Variants in ADARB2 observed in about 807,000 individuals in gnomAD.
ADARB2 encodes the protein inactive double-stranded RNA-specific editase B2.
ADARB2 carries 25 observed loss-of-function variants against 62.2 expected under a neutral mutation model. The observed-to-expected ratio is 0.40, with a 90% CI of 0.29 to 0.56. The LOEUF is 0.56. ADARB2 is among the 20% of genes least tolerant of loss of function. ADARB2 has a pLI of 0.43. For missense variants in ADARB2, 1,071 were observed against 1,077.4 expected (o/e 0.99, Z 0.08); for synonymous variants, 572 against 500.8 (o/e 1.14, Z -1.90).
chr10:1,583,254 A>C (rs1833130514), intron 1 of ADARB2, among the ~76,000 whole-genome samples: 1 of 152,248 alleles, frequency 6.6e-6, no homozygotes, highest in Non-Finnish European at 1.5e-5. Flanking sequence ...AGAGGATGGC[A>C]AGGGGTCACT....
At chr10:1,613,656 C>A (rs1472261631) in intron 1 of ADARB2, among the ~76,000 whole-genome samples, 1 of 152,186 alleles carries the variant, frequency 6.6e-6, no homozygotes, top group African/African-American at 2.4e-5. Flanking sequence ...TGGGATTTTC[C>A]TGGAAGTTAT....
At chr10:1,301,378 A>T (rs1042021293) in intron 3 of ADARB2, among the ~76,000 whole-genome samples, 2 of 152,246 alleles carry the variant, frequency 1.3e-5, no homozygotes, top group African/African-American at 4.8e-5. Context: ...GCAGCCTTTG[A>T]TATGGGGATA....
At chr10:1,610,623 A>G (rs531417564) in intron 1 of ADARB2, among the ~76,000 whole-genome samples, 2 of 152,248 alleles carry the variant, frequency 1.3e-5, no homozygotes, top group African/African-American at 4.8e-5. Flanking sequence ...GCCCTCGTCT[A>G]GGGACTTGCT....
In ADARB2 at chr10:1,709,143, G is replaced by A. The variant is rs17156778; in HGVS notation, c.100+27908C>T. On this transcript the variant is annotated intron_variant, in intron 1 of 9. Transcript: ENST00000381312. ...CTGAATGAGTCTCTCTATGGAAGTC[G>A]CTAAGTGGAGACCTACTTATGTTGC... Among the ~76,000 whole-genome samples, 1,976 of 152,246 alleles carry A rather than the reference G, an allele frequency of 0.013. 104 individuals are homozygous for A. In the East Asian group the frequency reaches 0.16, roughly 12 times the overall value.
At chr10:1,260,393 C>G (rs1221702017) in intron 4 of ADARB2, among the ~76,000 whole-genome samples, 1 of 151,840 alleles carries the variant, frequency 6.6e-6, no homozygotes, top group East Asian at 1.9e-4. Flanking sequence ...GATTGTATAT[C>G]TAGAAAACCC....
intron 1 of ADARB2, among the ~76,000 whole-genome samples, chr10:1,564,966 G>A (rs1457274153): frequency 1.3e-5 from 2 of 152,146 alleles, no homozygotes; most frequent in African/African-American, 2.4e-5. Context: ...ATTCAGGCCT[G>A]GCCTCGGCCG....
chr10:1,580,465 G>A (rs11816776), intron 1 of ADARB2, among the ~76,000 whole-genome samples: 16,157 of 150,054 alleles, frequency 0.11, 931 homozygotes, highest in Admixed American at 0.15. Flanking sequence ...ATCTCTTCAC[G>A]GGTCTTTCTT....
At chr10:1,714,510 C>T (rs2119155644) in intron 1 of ADARB2, among the ~76,000 whole-genome samples, 1 of 152,364 alleles carries the variant, frequency 6.6e-6, no homozygotes, top group Non-Finnish European at 1.5e-5. Context: ...AATCTGTGCA[C>T]ACTTTCAGAA....
At chr10:1,481,497 AG>A (rs1184359323) in intron 1 of ADARB2, among the ~76,000 whole-genome samples, 6 of 152,254 alleles carry the variant, frequency 3.9e-5, no homozygotes, top group African/African-American at 1.4e-4. Context: ...GACACCATCA[AG>A]GGAGTGAAAT....
At chr10:1,645,642 C>T (rs770500745) in intron 1 of ADARB2, among the ~76,000 whole-genome samples, 6 of 152,146 alleles carry the variant, frequency 3.9e-5, no homozygotes, top group South Asian at 4.1e-4. Flanking sequence ...CTCCTCAGAC[C>T]GGTTGGAGAC....
At chr10:1,448,411 T>A (rs1051438264) in intron 1 of ADARB2, among the ~76,000 whole-genome samples, 1 of 152,206 alleles carries the variant, frequency 6.6e-6, no homozygotes, top group Non-Finnish European at 1.5e-5. Context: ...GCTCCTTCTG[T>A]CACCTGTTGA....
intron 1 of ADARB2, among the ~76,000 whole-genome samples, chr10:1,452,663 A>AC (rs1831053977): frequency 7.9e-6 from 1 of 125,926 alleles, no homozygotes; most frequent in Non-Finnish European, 1.7e-5. Context: ...GGGTTGGGGG[A>AC]TAGGGGAGGG....
intron 1 of ADARB2, among the ~76,000 whole-genome samples, chr10:1,569,324 G>A (rs1293934224): frequency 2.0e-5 from 3 of 152,064 alleles, no homozygotes; most frequent in East Asian, 3.8e-4. Context: ...CTCCAGCAGC[G>A]GCTGCTTCTT....
intron 7 of ADARB2, among the ~76,000 whole-genome samples, chr10:1,213,399 A>G (rs1419495006): frequency 6.6e-6 from 1 of 152,166 alleles, no homozygotes; most frequent in Non-Finnish European, 1.5e-5. Flanking sequence ...AGTCTAAGAC[A>G]GGAGAGAACC....
intron 1 of ADARB2, among the ~76,000 whole-genome samples, chr10:1,522,013 T>C (rs1415381051): frequency 6.6e-6 from 1 of 152,108 alleles, no homozygotes; most frequent in South Asian, 2.1e-4. Flanking sequence ...TTTTACAGAG[T>C]TGGACTCTTT....
chr10:1,577,248 C>CAT lies in ADARB2; in HGVS notation c.100+159802_100+159803insAT, dbSNP rs1389640647. On this transcript the variant is annotated intron_variant, in intron 1 of 9. Transcript: ENST00000381312. Reference sequence around the variant, plus strand: ...CAGGTGCATCCTGGTGCAAAGCTGTCCCGGAAACTGCAGTAATACCCTCAT... The same window carrying CAT: ...CAGGTGCATCCTGGTGCAAAGCTGTCATCCGGAAACTGCAGTAATACCCTCAT... 1.5e-4 allele frequency among the ~76,000 whole-genome samples: 19 copies of CAT among 129,474 alleles called. 1 individual carries two copies. The highest frequency in any genetic ancestry group is 7.8e-3 in the Middle Eastern group (2 of 256). 84.9% of individuals were successfully genotyped at this position (129,474 alleles called of 152,430 possible).
chr10:1,209,004 G>A (rs1306516084), intron 7 of ADARB2, among the ~76,000 whole-genome samples: 3 of 152,158 alleles, frequency 2.0e-5, no homozygotes, highest in Non-Finnish European at 1.5e-5. Context: ...TCCTCTTGTG[G>A]TTCATCGTGG....
chr10:1,441,362 C>T (rs1236227493), intron 1 of ADARB2, among the ~76,000 whole-genome samples: 2 of 152,206 alleles, frequency 1.3e-5, no homozygotes, highest in Admixed American at 1.3e-4. Flanking sequence ...AGCTTTCTAA[C>T]ATCTGAAAGA....
intron 8 of ADARB2, among the ~76,000 whole-genome samples, chr10:1,187,108 G>A (rs1049347391): frequency 1.3e-5 from 2 of 152,210 alleles, no homozygotes; most frequent in African/African-American, 4.8e-5. Context: ...CAGGTGATGT[G>A]GGACACCCAA....
Sources: gnomAD v4.1 joint callset for allele counts (sites outside exome capture counted in the v4.1 genomes callset) on GRCh38, gnomAD v4.1.1 for gene constraint, MANE v1.5 for transcripts, NCBI Gene and HGNC (gene_info 2026-07-23, HGNC 2026-07-21) for gene names.